The following CCAR1 variants were observed in gnomAD, a reference collection of about 807,000 sequenced individuals.
CCAR1 encodes cell division cycle and apoptosis regulator 1, also known as cell division cycle and apoptosis regulator protein 1.
In CCAR1, 78 loss-of-function variants were observed where a neutral mutation model predicts 163.8. That is an observed-to-expected ratio of 0.48 (90% CI 0.40 to 0.57). CCAR1 has a LOEUF of 0.57. Among genes scored for constraint, CCAR1 ranks in the 20% least tolerant of loss-of-function variants. The probability of loss-of-function intolerance (pLI) is 0.00; values close to 1 mark genes in which losing one functional copy is unlikely to be tolerated. For missense variants in CCAR1, 1,019 were observed against 1,365.2 expected (o/e 0.75, Z 4.00); for synonymous variants, 443 against 460.7 (o/e 0.96, Z 0.49).
intron 18 of CCAR1, among the ~76,000 whole-genome samples, chr10:68,772,553 T>A (rs2056616434): frequency 6.6e-6 from 1 of 152,100 alleles, no homozygotes; most frequent in African/African-American, 2.4e-5. Context: ...TTTACTATTT[T>A]TCAGTTTTAG....
intron 23 of CCAR1, among the ~76,000 whole-genome samples, chr10:68,789,056 C>T (rs1423883414): frequency 1.3e-5 from 2 of 151,670 alleles, no homozygotes; most frequent in Non-Finnish European, 1.5e-5. Context: ...ACTACAGGTG[C>T]GTGTCACCAC....
At chr10:68,774,818 C>T (rs1404251300) in intron 19 of CCAR1, 1 of 319,722 alleles carries the variant, frequency 3.1e-6, no homozygotes, top group East Asian at 9.8e-5. Flanking sequence ...CCGTAGACAT[C>T]AACGATCAAA....
intron 10 of CCAR1, among the ~76,000 whole-genome samples, chr10:68,753,425 T>A (rs549226932): frequency 1.4e-3 from 214 of 152,314 alleles, no homozygotes; most frequent in Middle Eastern, 6.8e-3. Context: ...ATAAAAGTTA[T>A]AATTTTTCTA....
intron 10 of CCAR1, 59 bp from the exon 11 acceptor site, chr10:68,753,793 A>C: frequency 8.2e-7 from 1 of 1,218,544 alleles, no homozygotes; most frequent in East Asian, 2.3e-5. Flanking sequence ...ACAGAATTAA[A>C]TGTTTGTGTA....
At chr10:68,760,548 A>G (rs1158396531) in intron 15 of CCAR1, among the ~76,000 whole-genome samples, 2 of 152,170 alleles carry the variant, frequency 1.3e-5, no homozygotes, top group South Asian at 2.1e-4. Context: ...GAGCTGTACA[A>G]ATGTTCTTTT....
chr10:68,734,593 G>A (rs974175208), intron 2 of CCAR1, among the ~76,000 whole-genome samples: 5 of 151,896 alleles, frequency 3.3e-5, no homozygotes, highest in African/African-American at 7.3e-5. Context: ...GCCCGCCCCC[G>A]GGTTGAAGTG....
intron 19 of CCAR1, among the ~76,000 whole-genome samples, chr10:68,773,969 C>T (rs1376984079): frequency 1.3e-5 from 2 of 150,810 alleles, no homozygotes; most frequent in African/African-American, 2.4e-5. Flanking sequence ...CTCAGCTCAC[C>T]GCAACCTCCG....
intron 2 of CCAR1, among the ~76,000 whole-genome samples, chr10:68,736,651 G>A (rs966629963): frequency 6.6e-6 from 1 of 152,000 alleles, no homozygotes; most frequent in African/African-American, 2.4e-5. Flanking sequence ...CAAATTACCG[G>A]ATATTCTTCT....
chr10:68,789,128 C>G (rs2056826406), intron 23 of CCAR1, among the ~76,000 whole-genome samples: 1 of 151,470 alleles, frequency 6.6e-6, no homozygotes, highest in Non-Finnish European at 1.5e-5. Context: ...CTAGGATGGT[C>G]TCGATCTCCT....
At chr10:68,774,135 A>G (rs1223777342) in intron 19 of CCAR1, among the ~76,000 whole-genome samples, 2 of 150,746 alleles carry the variant, frequency 1.3e-5, no homozygotes, top group East Asian at 2.0e-4. Context: ...CAGGTGATCC[A>G]CCTACCTCGG....
chr10:68,786,482 C>A, intron 20 of CCAR1, 64 bp from the exon 21 acceptor site: 1 of 1,186,078 alleles, frequency 8.4e-7, no homozygotes, highest in Non-Finnish European at 1.2e-6. Context: ...CTCCGTTTCT[C>A]ACTTTTTGGG....
At chr10:68,765,604 A>G (rs901865375) in intron 16 of CCAR1, among the ~76,000 whole-genome samples, 1 of 152,130 alleles carries the variant, frequency 6.6e-6, no homozygotes, top group Non-Finnish European at 1.5e-5. Context: ...AGAATTTTCT[A>G]ATTTATATAA....
chr10:68,730,482 C>T (rs376687763), intron 2 of CCAR1, among the ~76,000 whole-genome samples: 5 of 151,266 alleles, frequency 3.3e-5, no homozygotes, highest in Admixed American at 1.3e-4. Flanking sequence ...GGACTACAGG[C>T]GCGTGCCACC....
At chr10:68,779,633 A>C (rs764921029) in intron 19 of CCAR1, among the ~76,000 whole-genome samples, 34 of 152,214 alleles carry the variant, frequency 2.2e-4, no homozygotes, top group Non-Finnish European at 3.7e-4. Flanking sequence ...GGGTAAAAGG[A>C]GTTACACTTT....
At chr10:68,781,925 TA>T (rs1174628123) in intron 19 of CCAR1, among the ~76,000 whole-genome samples, 1 of 152,064 alleles carries the variant, frequency 6.6e-6, no homozygotes, top group Non-Finnish European at 1.5e-5. Flanking sequence ...TAAAAATCGT[TA>T]AAGTGAGTGA....
At chr10:68,754,614 A>T (rs1005958551) in intron 11 of CCAR1, 100 bp from the exon 12 acceptor site, 2 of 630,774 alleles carry the variant, frequency 3.2e-6, no homozygotes, top group Non-Finnish European at 2.8e-6. Context: ...ATTTTTATTT[A>T]AATTTCAGAC....
At chr10:68,771,137 T>C (rs1257536724) in intron 17 of CCAR1, 69 bp from the exon 18 acceptor site, 1 of 1,379,274 alleles carries the variant, frequency 7.3e-7, no homozygotes, top group Non-Finnish European at 9.9e-7. Flanking sequence ...TTTTATTTGC[T>C]AAATTACTCT....
chr10:68,748,837 C>G (rs75953124), intron 8 of CCAR1, among the ~76,000 whole-genome samples: 5 of 151,886 alleles, frequency 3.3e-5, no homozygotes, highest in Non-Finnish European at 5.9e-5. Flanking sequence ...TCTCAGCCCC[C>G]CTCTAATTTT....
intron 21 of CCAR1, 73 bp downstream of exon 21, chr10:68,786,765 A>G (rs1163924389): frequency 2.3e-6 from 3 of 1,289,562 alleles, no homozygotes; most frequent in Non-Finnish European, 3.3e-6. Flanking sequence ...AGTTAATAGA[A>G]CCTCTGTTGA....
Sources: gnomAD v4.1 joint callset for allele counts (sites outside exome capture counted in the v4.1 genomes callset) on GRCh38, gnomAD v4.1.1 for gene constraint, MANE v1.5 for transcripts, NCBI Gene and HGNC (gene_info 2026-07-23, HGNC 2026-07-21) for gene names.